The following MYH15 variants were observed in gnomAD, a reference collection of about 807,000 sequenced individuals.
MYH15 encodes the protein myosin heavy chain 15, also known as myosin-15.
MYH15 carries 227 observed loss-of-function variants against 240.5 expected under a neutral mutation model. The observed-to-expected ratio is 0.94, with a 90% CI of 0.85 to 1.05. The LOEUF (loss-of-function observed/expected upper bound fraction) is 1.05. Ranked by LOEUF, MYH15 falls within the 50% of genes least tolerant of loss-of-function variation. The pLI, the probability that MYH15 is intolerant of heterozygous loss-of-function variation, is 0.00. For missense variants in MYH15, 2,217 were observed against 2,247.5 expected (o/e 0.99, Z 0.27); for synonymous variants, 785 against 796.7 (o/e 0.99, Z 0.25).
At chr3:108,500,460 A>T (rs563945025) in intron 3 of MYH15, among the ~76,000 whole-genome samples, 186 bp from the exon 4 acceptor site, 22 of 152,344 alleles carry the variant, frequency 1.4e-4, no homozygotes, top group Middle Eastern at 3.4e-3. Flanking sequence ...GAGTAACATC[A>T]GGACCTGGGA....
chr3:108,483,029 A>G (rs889240094), intron 11 of MYH15, among the ~76,000 whole-genome samples: 3 of 151,968 alleles, frequency 2.0e-5, no homozygotes, highest in Non-Finnish European at 4.4e-5. Flanking sequence ...CCCCATCTCT[A>G]CTAAAAATAT....
intron 21 of MYH15, among the ~76,000 whole-genome samples, chr3:108,447,962 A>G (rs1467460599): frequency 6.6e-6 from 1 of 152,156 alleles, no homozygotes; most frequent in African/African-American, 2.4e-5. Flanking sequence ...TAAATAACAT[A>G]AAATGTGGGG....
At chr3:108,516,909 T>G (rs1280101336) in intron 1 of MYH15, among the ~76,000 whole-genome samples, 1 of 152,154 alleles carries the variant, frequency 6.6e-6, no homozygotes, top group African/African-American at 2.4e-5. Flanking sequence ...GAGTTTACAC[T>G]CCTAGATTCT....
intron 1 of MYH15, among the ~76,000 whole-genome samples, chr3:108,521,397 TAA>T (rs11359459): frequency 4.1e-5 from 6 of 145,422 alleles, no homozygotes; most frequent in Non-Finnish European, 6.1e-5. Context: ...GAAATGATGT[TAA>T]AAAAAAAAAA....
intron 1 of MYH15, among the ~76,000 whole-genome samples, chr3:108,508,293 T>C (rs1166149844): frequency 6.6e-6 from 1 of 152,184 alleles, no homozygotes; most frequent in Non-Finnish European, 1.5e-5. Flanking sequence ...TCCTTTCTCA[T>C]AGGAGACCCA....
intron 27 of MYH15, among the ~76,000 whole-genome samples, chr3:108,427,610 C>G (rs938479242): frequency 4.3e-5 from 4 of 93,278 alleles, no homozygotes; most frequent in Admixed American, 3.2e-4. Context: ...CACACACACA[C>G]ACACACAACA....
intron 27 of MYH15, among the ~76,000 whole-genome samples, chr3:108,425,438 A>G (rs1215440429): frequency 2.6e-5 from 4 of 152,230 alleles, no homozygotes; most frequent in Non-Finnish European, 5.9e-5. Flanking sequence ...GACTAGAAGC[A>G]AAAAAGATAA....
intron 24 of MYH15, among the ~76,000 whole-genome samples, chr3:108,439,479 C>A (rs1047522423): frequency 1.3e-5 from 2 of 152,166 alleles, no homozygotes; most frequent in African/African-American, 4.8e-5. Context: ...CTTTACCATT[C>A]ATCTTAATGT....
At chr3:108,432,610 G>A (rs1357157097) in intron 25 of MYH15, among the ~76,000 whole-genome samples, 4 of 152,116 alleles carry the variant, frequency 2.6e-5, no homozygotes, top group Admixed American at 1.3e-4. Flanking sequence ...TTGGTTTCGT[G>A]GGCTGGGCCC....
the MYH15 span, among the ~76,000 whole-genome samples, chr3:108,545,694 TACACACACAC>T: frequency 6.7e-6 from 1 of 149,152 alleles, no homozygotes; most frequent in Non-Finnish European, 1.5e-5. Context: ...AATATACACA[TACACACACAC>T]ACACACACAC....
intron 7 of MYH15, among the ~76,000 whole-genome samples, chr3:108,494,892 T>C (rs2083379419): frequency 6.6e-6 from 1 of 152,208 alleles, no homozygotes; most frequent in Middle Eastern, 3.2e-3. Context: ...TGTCCCTTTA[T>C]TGCTCCCCTT....
rs202050761 is a variant in MYH15 at position 108,410,853 on chromosome 3, C to T, written c.4225G>A (p.Ala1409Thr). Residue 1409 changes from alanine (A) to threonine (T), a missense_variant, in exon 31 of 41, where the codon GCC becomes ACC. Physicochemically the swap from Ala to Thr is moderately conservative, Grantham distance 58. Coordinates refer to ENST00000693548, the MANE Select transcript of MYH15 (RefSeq NM_014981.3). ...ANARNASLER[A>T]RHQLQLELGD... is the part of the protein sequence containing the mutation. ...AGCTCCAGCTGCAGCTGGTGCCTGG[C>T]TCTCTCCAAGGAGGCATTTCTGGCA... 7.7e-5 allele frequency: 125 copies of T among 1,613,792 alleles called. No homozygotes were observed. The highest frequency in any genetic ancestry group is 1.7e-5 in the Admixed American group (1 of 60,008).
rs1426462278 is a variant in MYH15 at position 108,500,164 on chromosome 3, A to AG, written c.449dup (p.His151SerfsTer8). On this transcript the variant is annotated frameshift_variant, in exon 4 of 41. Transcript: ENST00000693548. LOFTEE classifies it high-confidence loss of function. Reference sequence around the variant, plus strand: ...CGTTATTGGCAACAGCAAAGATGTGAGGGGGAGCCTCTGATCGCCTCTTCC... The same window carrying AG: ...CGTTATTGGCAACAGCAAAGATGTGAGGGGGGAGCCTCTGATCGCCTCTTCC... The AG allele has an allele frequency of 1.2e-6, 2 of 1,613,952 alleles. No individual in the cohort carries two copies. The highest frequency in any genetic ancestry group is 2.7e-5 in the African/African-American group (2 of 74,924).
At chr3:108,548,625 CA>C in the MYH15 span, among the ~76,000 whole-genome samples, 1 of 152,004 alleles carries the variant, frequency 6.6e-6, no homozygotes, top group Admixed American at 6.6e-5. Flanking sequence ...GATTAAGTCA[CA>C]AACAGGACAC....
At chr3:108,472,618 A>T (rs1022104270) in intron 12 of MYH15, among the ~76,000 whole-genome samples, 1 of 152,228 alleles carries the variant, frequency 6.6e-6, no homozygotes, top group Admixed American at 6.5e-5. Context: ...TAAAAAGAAC[A>T]TGACTAACTT....
intron 33 of MYH15, 100 bp downstream of exon 33, chr3:108,405,238 G>T: frequency 3.8e-6 from 2 of 523,638 alleles, no homozygotes; most frequent in Non-Finnish European, 6.5e-6. Flanking sequence ...CTTTGGTAAT[G>T]CTCCAACAGG....
chr3:108,386,066 G>T (rs1652039841), intron 38 of MYH15, among the ~76,000 whole-genome samples: 1 of 152,200 alleles, frequency 6.6e-6, no homozygotes, highest in South Asian at 2.1e-4. Flanking sequence ...GTTTTTATCT[G>T]CCTATCCCTC....
chr3:108,479,974 G>A (rs1334214886), intron 11 of MYH15, among the ~76,000 whole-genome samples: 1 of 152,136 alleles, frequency 6.6e-6, no homozygotes, highest in African/African-American at 2.4e-5. Flanking sequence ...AAAGTTAACT[G>A]AGCATTTGCT....
chr3:108,520,001 A>G (rs1044387902), intron 1 of MYH15, among the ~76,000 whole-genome samples: 3 of 152,196 alleles, frequency 2.0e-5, no homozygotes, highest in Non-Finnish European at 4.4e-5. Flanking sequence ...TAAAACTAGA[A>G]TATTATGTAT....
Sources: allele counts gnomAD v4.1 joint callset (sites outside exome capture counted in the v4.1 genomes callset), GRCh38; gene constraint gnomAD v4.1.1; transcripts MANE v1.5; gene names NCBI Gene and HGNC (gene_info 2026-07-23, HGNC 2026-07-21).